MALRD1: variants seen among roughly 807,000 people sequenced by gnomAD.
MALRD1 encodes MAM and LDL-receptor class A domain-containing protein 1.
Under a neutral mutation model 242.1 loss-of-function variants are expected in MALRD1, and 247 were observed. That is an observed-to-expected ratio of 1.02 (90% CI 0.92 to 1.13). The LOEUF (loss-of-function observed/expected upper bound fraction) is 1.13. Among genes scored for constraint, MALRD1 ranks in the 50% most tolerant of loss-of-function variants. The pLI is 0.00. For synonymous variants in MALRD1, 995 were observed against 866.6 expected (o/e 1.15, Z -2.60); for missense variants, 2,989 against 2,533.1 (o/e 1.18, Z -3.86).
At chr10:19,307,746 G>C (rs1002948408) in intron 21 of MALRD1, among the ~76,000 whole-genome samples, 1 of 151,558 alleles carries the variant, frequency 6.6e-6, no homozygotes, top group Non-Finnish European at 1.5e-5. Flanking sequence ...GAAAAAAATT[G>C]AATTAGAATT....
intron 36 of MALRD1, among the ~76,000 whole-genome samples, chr10:19,668,269 A>T (rs113759786): frequency 5.7e-4 from 86 of 152,118 alleles, no homozygotes; most frequent in Non-Finnish European, 1.1e-3. Flanking sequence ...CCCATGCCAA[A>T]CTCCCACTGT....
chr10:19,087,263 A>G (rs1835700028), intron 2 of MALRD1, among the ~76,000 whole-genome samples: 1 of 152,068 alleles, frequency 6.6e-6, no homozygotes, highest in African/African-American at 2.4e-5. Context: ...GCTAGATAGC[A>G]TCTTTGCAGG....
chr10:19,614,096 C>T (rs1839026059), intron 35 of MALRD1, among the ~76,000 whole-genome samples: 2 of 151,904 alleles, frequency 1.3e-5, no homozygotes, highest in African/African-American at 4.8e-5. Flanking sequence ...CTTTTAAAGT[C>T]AACATTTATT....
intron 28 of MALRD1, among the ~76,000 whole-genome samples, chr10:19,409,702 G>A (rs1468063701): frequency 6.6e-6 from 1 of 151,974 alleles, no homozygotes; most frequent in Non-Finnish European, 1.5e-5. Flanking sequence ...TTTTGAGATT[G>A]CTCCATATTA....
At chr10:19,275,395 G>T (rs976318433) in intron 19 of MALRD1, among the ~76,000 whole-genome samples, 1 of 152,188 alleles carries the variant, frequency 6.6e-6, no homozygotes, top group Non-Finnish European at 1.5e-5. Context: ...TCGGCCGGGT[G>T]CGGTGGCTCA....
intron 24 of MALRD1, among the ~76,000 whole-genome samples, chr10:19,335,457 A>G (rs1273993263): frequency 2.0e-5 from 3 of 152,078 alleles, no homozygotes; most frequent in Admixed American, 6.6e-5. Flanking sequence ...TTAGTTATAA[A>G]GTGGCTGGAA....
At chr10:19,433,788 G>A (rs2130956519) in intron 28 of MALRD1, among the ~76,000 whole-genome samples, 1 of 152,104 alleles carries the variant, frequency 6.6e-6, no homozygotes, top group South Asian at 2.1e-4. Context: ...GACAGACAGG[G>A]GCAAATAATG....
intron 23 of MALRD1, among the ~76,000 whole-genome samples, chr10:19,329,234 T>C (rs1259829630): frequency 6.6e-6 from 1 of 152,208 alleles, no homozygotes; most frequent in Non-Finnish European, 1.5e-5. Context: ...CTATGCACCA[T>C]GCACGAGAGA....
chr10:19,263,592 T>G (rs1353981041), intron 19 of MALRD1, among the ~76,000 whole-genome samples: 3 of 152,224 alleles, frequency 2.0e-5, no homozygotes, highest in Admixed American at 2.0e-4. Context: ...AAATACTTTC[T>G]CTTGTTGTGA....
intron 13 of MALRD1, among the ~76,000 whole-genome samples, chr10:19,169,221 C>T (rs1834820081): frequency 6.6e-6 from 1 of 151,998 alleles, no homozygotes. Flanking sequence ...TGTTATGTTA[C>T]CATTCTCAGC....
chr10:19,299,580 A>G (rs1309879395), intron 21 of MALRD1, among the ~76,000 whole-genome samples: 1 of 115,364 alleles, frequency 8.7e-6, no homozygotes, highest in Non-Finnish European at 2.0e-5. Context: ...AAATCAATAA[A>G]TGTGATGTGA....
chr10:19,525,906 A>G (rs1246129273), intron 31 of MALRD1, among the ~76,000 whole-genome samples: 2 of 152,196 alleles, frequency 1.3e-5, no homozygotes, highest in Non-Finnish European at 1.5e-5. Context: ...AAGCTGTAAA[A>G]CAGTCCAAAA....
intron 33 of MALRD1, among the ~76,000 whole-genome samples, chr10:19,581,383 C>A (rs1258431594): frequency 2.3e-5 from 3 of 129,834 alleles, no homozygotes; most frequent in Middle Eastern, 4.0e-3. Context: ...CCCCACCCCA[C>A]AACAGTCCCC....
chr10:19,569,294 T>G (rs1589250300), intron 33 of MALRD1, among the ~76,000 whole-genome samples: 1 of 152,136 alleles, frequency 6.6e-6, no homozygotes, highest in Admixed American at 6.6e-5. Context: ...TGGCACCAAT[T>G]TTCTCCAGCA....
intron 21 of MALRD1, among the ~76,000 whole-genome samples, chr10:19,323,010 T>G (rs1842965514): frequency 6.6e-6 from 1 of 152,146 alleles, no homozygotes; most frequent in South Asian, 2.1e-4. Flanking sequence ...ATTGTCCAAG[T>G]AGGGTCATAA....
At chr10:19,381,080 C>A (rs1845819491) in intron 26 of MALRD1, among the ~76,000 whole-genome samples, 1 of 128,932 alleles carries the variant, frequency 7.8e-6, no homozygotes, top group Admixed American at 9.0e-5. Context: ...CCACCACAGT[C>A]CCCAGAGTGT....
chr10:19,174,362 A>G (rs1236569664), intron 13 of MALRD1, among the ~76,000 whole-genome samples: 2 of 152,124 alleles, frequency 1.3e-5, no homozygotes, highest in Middle Eastern at 3.2e-3. Context: ...TCTGACTCCA[A>G]GGTGTTGTAT....
Position 19,446,532 on chromosome 10 carries a change from G to C in MALRD1, c.4846-3775G>C, listed in dbSNP as rs552512342. Among the ~76,000 whole-genome samples the C allele has an allele frequency of 2.0e-5, 3 of 152,268 alleles. No individual in the cohort carries two copies. In the East Asian group the frequency reaches 5.8e-4, roughly 29 times the overall value. On this transcript the variant is annotated intron_variant, in intron 28 of 39. Transcript: ENST00000454679. Reference sequence around the variant, plus strand: ...TCCAAGGAGATCTGTCTATTAATATGTTTGTACAATTTGAAGTGGTTCTGT... The same window carrying C: ...TCCAAGGAGATCTGTCTATTAATATCTTTGTACAATTTGAAGTGGTTCTGT...
intron 31 of MALRD1, among the ~76,000 whole-genome samples, chr10:19,526,970 T>C: frequency 6.6e-6 from 1 of 152,136 alleles, no homozygotes; most frequent in South Asian, 2.1e-4. Flanking sequence ...GATTTCAAGG[T>C]TTGGGAATTT....
Sources: gnomAD v4.1 joint callset for allele counts (sites outside exome capture counted in the v4.1 genomes callset) on GRCh38, gnomAD v4.1.1 for gene constraint, MANE v1.5 for transcripts, NCBI Gene and HGNC (gene_info 2026-07-23, HGNC 2026-07-21) for gene names.